The following PCOLCE2 variants were observed in gnomAD, a reference collection of about 807,000 sequenced individuals.
PCOLCE2 encodes procollagen C-proteinase enhancer 2.
Under a neutral mutation model 47.0 loss-of-function variants are expected in PCOLCE2, and 42 were observed. That is an observed-to-expected ratio of 0.89 (90% CI 0.70 to 1.16). The LOEUF is 1.16. Among genes scored for constraint, PCOLCE2 ranks in the 50% most tolerant of loss-of-function variants. The pLI is 0.00. For synonymous variants in PCOLCE2, 169 were observed against 191.7 expected (o/e 0.88, Z 0.98); for missense variants, 500 against 526.1 (o/e 0.95, Z 0.49).
At chr3:142,864,432 T>G (rs1414818249) in intron 2 of PCOLCE2, 1 of 152,208 alleles carries the variant, frequency 6.6e-6, no homozygotes, top group Non-Finnish European at 1.5e-5. Flanking sequence ...CCTTGATATT[T>G]CAGACCCAGT....
intron 2 of PCOLCE2, among the ~76,000 whole-genome samples, chr3:142,874,201 G>C (rs1446832134): frequency 6.6e-6 from 1 of 152,102 alleles, no homozygotes; most frequent in African/African-American, 2.4e-5. Context: ...TCAGCCTCTT[G>C]AGTAGTTGGG....
chr3:142,865,412 C>T (rs1933266485), intron 2 of PCOLCE2, among the ~76,000 whole-genome samples: 1 of 152,076 alleles, frequency 6.6e-6, no homozygotes, highest in South Asian at 2.1e-4. Flanking sequence ...ACATCTGAGT[C>T]ACACTGCAAA....
chr3:142,874,812 T>C (rs957650476), intron 2 of PCOLCE2, among the ~76,000 whole-genome samples: 4 of 152,138 alleles, frequency 2.6e-5, no homozygotes, highest in Non-Finnish European at 5.9e-5. Context: ...ATAAACATGA[T>C]TATAATACAG....
chr3:142,871,542 T>G (rs542884963), intron 2 of PCOLCE2, among the ~76,000 whole-genome samples: 19 of 152,352 alleles, frequency 1.2e-4, no homozygotes, highest in African/African-American at 4.6e-4. Context: ...GTGGTTAACA[T>G]GTACAATCAG....
intron 6 of PCOLCE2, chr3:142,827,238 A>G: frequency 8.2e-7 from 1 of 1,224,440 alleles, no homozygotes; most frequent in Non-Finnish European, 1.2e-6. Context: ...CCACCTCCAA[A>G]AGGATGCTCC....
chr3:142,852,113 G>GT (rs1166123265), intron 2 of PCOLCE2, among the ~76,000 whole-genome samples: 1 of 152,238 alleles, frequency 6.6e-6, no homozygotes, highest in Non-Finnish European at 1.5e-5. Flanking sequence ...CTGTACCAGT[G>GT]TAAGTCTCCT....
At chr3:142,826,151 C>T (rs1298201070) in intron 6 of PCOLCE2, among the ~76,000 whole-genome samples, 1 of 151,996 alleles carries the variant, frequency 6.6e-6, no homozygotes, top group Non-Finnish European at 1.5e-5. Context: ...ACTACAGGTG[C>T]CCACCACCAC....
chr3:142,849,467 T>C (rs1214776390), intron 2 of PCOLCE2, among the ~76,000 whole-genome samples: 2 of 152,314 alleles, frequency 1.3e-5, no homozygotes, highest in East Asian at 3.9e-4. Context: ...TTTCATTTTA[T>C]CATAATATTT....
chr3:142,852,415 A>T (rs1409819372), intron 2 of PCOLCE2, among the ~76,000 whole-genome samples: 1 of 152,316 alleles, frequency 6.6e-6, no homozygotes, highest in African/African-American at 2.4e-5. Flanking sequence ...ATAAAAAAAT[A>T]AAAAATACAG....
At chr3:142,821,847 G>A (rs373829333) in intron 7 of PCOLCE2, among the ~76,000 whole-genome samples, 1 of 151,888 alleles carries the variant, frequency 6.6e-6, no homozygotes, top group East Asian at 1.9e-4. Flanking sequence ...GGTGCGCCTG[G>A]CATTCTGGGG....
At chr3:142,876,396 A>T (rs576233059) in intron 2 of PCOLCE2, among the ~76,000 whole-genome samples, 23 of 152,334 alleles carry the variant, frequency 1.5e-4, no homozygotes, top group African/African-American at 5.3e-4. Flanking sequence ...TAGATGAGGA[A>T]ACTGAGGCAC....
At chr3:142,862,086 C>T (rs994368095) in intron 2 of PCOLCE2, among the ~76,000 whole-genome samples, 2 of 152,144 alleles carry the variant, frequency 1.3e-5, no homozygotes, top group African/African-American at 4.8e-5. Context: ...CCCAGAACCC[C>T]TGTGGTTCCC....
At chr3:142,837,666 A>G (rs1937219630) in intron 5 of PCOLCE2, among the ~76,000 whole-genome samples, 1 of 152,248 alleles carries the variant, frequency 6.6e-6, no homozygotes, top group Non-Finnish European at 1.5e-5. Context: ...AAGTGAAGTT[A>G]TGAAATATCT....
Position 142,829,852 on chromosome 3 carries a change from A to G in PCOLCE2, c.711-6T>C. ...TTCTCTCAGACACAATTGGCCTAAA[A>G]AAAGAAAAATGTGTTTTTTTATAAA... On this transcript the variant is annotated splice_polypyrimidine_tract_variant and splice_region_variant and intron_variant, in intron 5 of 8. Transcript: ENST00000295992. 6.5e-7 allele frequency: 1 copy of G among 1,537,060 alleles called. No homozygotes were observed. Among genetic ancestry groups the G allele is most frequent in the East Asian group, 2.3e-5 (1 of 44,032 alleles).
At chr3:142,831,031 T>C (rs562728154) in intron 5 of PCOLCE2, among the ~76,000 whole-genome samples, 2 of 152,356 alleles carry the variant, frequency 1.3e-5, no homozygotes, top group South Asian at 4.1e-4. Flanking sequence ...CCGTCCTGAA[T>C]ATAACCTTCT....
intron 6 of PCOLCE2, among the ~76,000 whole-genome samples, chr3:142,825,076 A>T (rs1185523764): frequency 1.3e-5 from 2 of 152,214 alleles, no homozygotes; most frequent in African/African-American, 4.8e-5. Context: ...AGAGCTCAGA[A>T]GATGTTTGGA....
chr3:142,844,372 TTTTGTACACATTTG>T (rs1337535571), intron 3 of PCOLCE2, among the ~76,000 whole-genome samples: 1 of 152,220 alleles, frequency 6.6e-6, no homozygotes, highest in African/African-American at 2.4e-5. Flanking sequence ...CTATGAACAG[TTTTGTACACATTTG>T]TTTGTACATG....
chr3:142,872,238 G>A (rs879087837), intron 2 of PCOLCE2, among the ~76,000 whole-genome samples: 1 of 152,148 alleles, frequency 6.6e-6, no homozygotes, highest in Non-Finnish European at 1.5e-5. Flanking sequence ...CTGTGTTACT[G>A]TACTATCCTT....
chr3:142,879,947 G>A (rs993323645), intron 2 of PCOLCE2, among the ~76,000 whole-genome samples: 13 of 146,922 alleles, frequency 8.8e-5, no homozygotes, highest in African/African-American at 3.4e-4. Context: ...CTCCAGCCTG[G>A]GCGACAGAGC....
Sources: allele counts gnomAD v4.1 joint callset (sites outside exome capture counted in the v4.1 genomes callset), GRCh38; gene constraint gnomAD v4.1.1; transcripts MANE v1.5; gene names NCBI Gene and HGNC (gene_info 2026-07-23, HGNC 2026-07-21).